YKT6: variants seen among roughly 807,000 people sequenced by gnomAD.
The protein encoded by YKT6 is synaptobrevin homolog YKT6.
In YKT6, 12 loss-of-function variants were observed where a neutral mutation model predicts 29.3. The ratio of observed to expected loss-of-function variants is 0.41; its 90% CI spans 0.26 to 0.66. The LOEUF (loss-of-function observed/expected upper bound fraction) is 0.66, where lower values mean the gene tolerates loss of function less well. YKT6 is among the 30% of genes least tolerant of loss of function. The probability of loss-of-function intolerance (pLI) is 0.32; values close to 1 mark genes in which losing one functional copy is unlikely to be tolerated. For synonymous variants in YKT6, 86 were observed against 94.3 expected (o/e 0.91, Z 0.51); for missense variants, 188 against 243.8 (o/e 0.77, Z 1.52).
intron 1 of YKT6, among the ~76,000 whole-genome samples, chr7:44,202,320 C>T (rs1298527525): frequency 6.6e-6 from 1 of 152,148 alleles, no homozygotes; most frequent in Admixed American, 6.5e-5. Context: ...TCTTCACTAT[C>T]TTTAAGCGTG....
rs138273846 is a variant in YKT6 at position 44,206,388 on chromosome 7, A to G, written c.191A>G (p.Tyr64Cys). 6.1e-4 allele frequency: 982 copies of G among 1,613,908 alleles called. No homozygotes were observed. The highest frequency in any genetic ancestry group is 7.4e-4 in the Non-Finnish European group (879 of 1,180,000). ...GTRASVKEQD[Y>C]LCHVYVRNDS... ...GTCTGATCTCTTGTCTCCTTAGACT[A>G]TCTGTGCCACGTCTACGTCCGGAAT... Residue 64 changes from tyrosine (Y) to cysteine (C), a missense_variant, in exon 3 of 7, where the codon TAT (tyrosine) becomes TGT (cysteine). Tyr to Cys is a radical substitution (Grantham distance 194). Around this residue, in one of 3 missense-constraint regions of YKT6, gnomAD observed 100 missense variants for 136.3 expected, o/e 0.73. Transcript: ENST00000223369.
chr7:44,208,007 A>T (rs1233730682), intron 4 of YKT6, 126 bp from the exon 5 acceptor site: 4 of 948,394 alleles, frequency 4.2e-6, no homozygotes, highest in Non-Finnish European at 4.9e-6. Flanking sequence ...TACAGGCGTG[A>T]GCCACTGTGC....
intron 5 of YKT6, among the ~76,000 whole-genome samples, chr7:44,209,650 G>T (rs1205844653): frequency 6.6e-6 from 1 of 152,252 alleles, no homozygotes; most frequent in Non-Finnish European, 1.5e-5. Context: ...TCAGCTGTGT[G>T]TAGGGATGAA....
chr7:44,204,766 C>G, intron 2 of YKT6, 116 bp downstream of exon 2: 1 of 866,244 alleles, frequency 1.2e-6, no homozygotes, highest in East Asian at 2.7e-5. Context: ...AGCTTGTTCT[C>G]TCTTTCCCAC....
intron 5 of YKT6, among the ~76,000 whole-genome samples, chr7:44,209,499 C>T (rs1295764921): frequency 6.6e-6 from 1 of 152,230 alleles, no homozygotes; most frequent in African/African-American, 2.4e-5. Context: ...ACACCTGGGA[C>T]ACCCGCTGTT....
Position 44,201,196 on chromosome 7 carries a change from G to A in YKT6, c.61G>A (p.Ala21Thr). 2 of 1,613,028 alleles carry A rather than the reference G, an allele frequency of 1.2e-6. No individual in the cohort carries two copies. Among genetic ancestry groups the A allele is most frequent in the Non-Finnish European group, 1.7e-6 (2 of 1,179,426 alleles). The change falls in exon 1 of 7, where the codon GCC becomes ACC. Residue 21 changes from alanine to threonine, a missense_variant. By Grantham distance (58) the Ala-to-Thr change is moderately conservative (BLOSUM62 0). Coordinates refer to ENST00000223369, the MANE Select transcript of YKT6 (RefSeq NM_006555.4). ...KGEAKVVLLK[A>T]AYDVSSFSFF... ...CGAGGCCAAGGTGGTGCTGCTCAAA[G>A]CCGCATACGATGTGTCTTCCTTCAG...
At chr7:44,210,317 C>T (rs890797222) in intron 5 of YKT6, among the ~76,000 whole-genome samples, 1 of 152,220 alleles carries the variant, frequency 6.6e-6, no homozygotes, top group African/African-American at 2.4e-5. Context: ...GTGTCTGTCC[C>T]AGGCCTCTCT....
intron 5 of YKT6, among the ~76,000 whole-genome samples, chr7:44,209,126 A>G (rs543401134): frequency 6.6e-6 from 1 of 152,192 alleles, no homozygotes; most frequent in Non-Finnish European, 1.5e-5. Context: ...TACAGTGCCT[A>G]GTTTATACCA....
chr7:44,204,676 C>G, intron 2 of YKT6, 26 bp downstream of exon 2: 1 of 1,612,096 alleles, frequency 6.2e-7, no homozygotes, highest in African/African-American at 1.3e-5. Context: ...AACTTCTGTG[C>G]GTGTGCTGGC....
Position 44,207,401 on chromosome 7 carries a change from T to G in YKT6, c.302T>G (p.Phe101Cys), listed in dbSNP as rs1429614754. Residue 101 changes from phenylalanine (F) to cysteine (C), a missense_variant, in exon 4 of 7, where the codon TTC (phenylalanine) becomes TGC (cysteine). By Grantham distance (205) the Phe-to-Cys change is radical. Transcript: ENST00000223369. The stretch of plus-strand genomic sequence containing the variant: ...TTTGTCTTGCAGGTACTAGATGAAT[T>G]CTCCAAGCAAGTCGACAGGATAGAC... The part of the protein sequence containing the change: ...FTLLEKVLDE[F>C]SKQVDRIDWP... 1 of 1,613,874 alleles carries G rather than the reference T, an allele frequency of 6.2e-7. No homozygotes were observed. Among genetic ancestry groups the G allele is most frequent in the Admixed American group, 1.7e-5 (1 of 60,000 alleles).
At chr7:44,202,126 G>A (rs2096336368) in intron 1 of YKT6, among the ~76,000 whole-genome samples, 1 of 152,124 alleles carries the variant, frequency 6.6e-6, no homozygotes, top group Admixed American at 6.5e-5. Flanking sequence ...CTCAAAATCT[G>A]ATGGAATCTG....
In YKT6 at chr7:44,212,563, C is replaced by A; in HGVS notation, c.*281C>A. ...ACTGGCTTCTGTAGATGCCAAAGGG[C>A]TCTTTTTCAGCTAACCCTGGGAAGG... On this transcript the variant is annotated 3_prime_UTR_variant, in exon 7 of 7. Coordinates refer to ENST00000223369, the MANE Select transcript of YKT6 (RefSeq NM_006555.4). 2.3e-6 allele frequency: 1 copy of A among 433,998 alleles called. No homozygotes were observed. The highest frequency in any genetic ancestry group is 3.7e-5 in the East Asian group (1 of 27,178). 26.9% of individuals were successfully genotyped at this position (433,998 alleles called of 1,614,324 possible). A position where few individuals can be genotyped will look rare whatever the true frequency, so the allele number is the denominator to read the frequency against.
intron 5 of YKT6, chr7:44,210,711 T>A (rs1010223845): frequency 9.3e-6 from 4 of 428,994 alleles, no homozygotes; most frequent in African/African-American, 2.0e-5. Context: ...AATGTATATA[T>A]AAATGTGTGT....
At chr7:44,210,280 C>G (rs1458038462) in intron 5 of YKT6, among the ~76,000 whole-genome samples, 5 of 152,196 alleles carry the variant, frequency 3.3e-5, no homozygotes, top group Non-Finnish European at 7.3e-5. Context: ...GCTCTGTGGG[C>G]CTGGCTGGTG....
Position 44,212,366 on chromosome 7 carries a change from A to G in YKT6, c.*84A>G. On this transcript the variant is annotated 3_prime_UTR_variant, in exon 7 of 7. Coordinates refer to ENST00000223369, the MANE Select transcript of YKT6 (RefSeq NM_006555.4). ...CCCCTGGAAAAGAAGAGACAGCCAT[A>G]GACGAGGAGCCAGAGTGGGGGCAGA... is the stretch of plus-strand genomic sequence containing the variant. The G allele has an allele frequency of 6.4e-7, 1 of 1,562,758 alleles. No individual in the cohort carries two copies. The highest frequency in any genetic ancestry group is 8.8e-7 in the Non-Finnish European group (1 of 1,141,696).
chr7:44,204,515 G>A (rs1005664673), intron 1 of YKT6, 53 bp from the exon 2 acceptor site: 2 of 1,586,976 alleles, frequency 1.3e-6, no homozygotes, highest in African/African-American at 1.3e-5. Flanking sequence ...TTTCCACTGT[G>A]TTGGGGACAA....
intron 5 of YKT6, chr7:44,210,731 T>TAC (rs2096345854): frequency 1.5e-5 from 7 of 480,554 alleles, no homozygotes; most frequent in Non-Finnish European, 2.8e-5. Flanking sequence ...TGTATATATA[T>TAC]ATATGAGTTT....
At chr7:44,209,487 T>C (rs2096344422) in intron 5 of YKT6, among the ~76,000 whole-genome samples, 1 of 152,228 alleles carries the variant, frequency 6.6e-6, no homozygotes, top group Admixed American at 6.5e-5. Context: ...CTGAGTACCA[T>C]GACACCTGGG....
At chr7:44,207,339 A>G in intron 3 of YKT6, 49 bp from the exon 4 acceptor site, 1 of 1,557,436 alleles carries the variant, frequency 6.4e-7, no homozygotes. Flanking sequence ...CATTGAGACC[A>G]CTGGTGAGTG....
Sources: gnomAD v4.1 joint callset for allele counts (sites outside exome capture counted in the v4.1 genomes callset) on GRCh38, gnomAD v4.1.1 for gene constraint, gnomAD v4.1.1 regional missense constraint, MANE v1.5 for transcripts, NCBI Gene and HGNC (gene_info 2026-07-23, HGNC 2026-07-21) for gene names.